Variants in SLC9A7 observed in about 807,000 individuals in gnomAD.
SLC9A7 encodes the protein solute carrier family 9 member A7.
SLC9A7 carries 19 observed loss-of-function variants against 52.6 expected under a neutral mutation model. The ratio of observed to expected loss-of-function variants is 0.36; its 90% CI spans 0.25 to 0.53. The LOEUF (loss-of-function observed/expected upper bound fraction) is 0.53, where lower values mean the gene tolerates loss of function less well. Among genes scored for constraint, SLC9A7 ranks in the 20% least tolerant of loss-of-function variants. SLC9A7 has a pLI of 0.91. For missense variants in SLC9A7, 455 were observed against 597.9 expected (o/e 0.76, Z 2.49); for synonymous variants, 226 against 252.1 (o/e 0.90, Z 0.98).
chrX:46,731,908 A>T (rs1427481675), intron 1 of SLC9A7, among the ~76,000 whole-genome samples: 1 of 112,256 alleles, frequency 8.9e-6, no homozygotes, highest in Non-Finnish European at 1.9e-5. Flanking sequence ...ATCATTACTT[A>T]TAAGAGAAAT....
intron 11 of SLC9A7, chrX:46,646,776 G>A: frequency 3.1e-6 from 1 of 325,511 alleles, no homozygotes; most frequent in African/African-American, 2.6e-5. Context: ...ACAATGCCGG[G>A]GAAGCTGTTG....
chrX:46,748,850 A>G (rs1922026488), intron 1 of SLC9A7, among the ~76,000 whole-genome samples: 1 of 110,345 alleles, frequency 9.1e-6, no homozygotes, highest in African/African-American at 3.3e-5. Flanking sequence ...GGGGCAATAA[A>G]AAATCTTTGG....
At chrX:46,738,103 GAAA>G (rs1569525304) in intron 1 of SLC9A7, among the ~76,000 whole-genome samples, 6 of 46,587 alleles carry the variant, frequency 1.3e-4, no homozygotes, top group African/African-American at 2.4e-4. Context: ...AAGAAAGAAA[GAAA>G]GAGAAAAGAA....
chrX:46,759,015 G>T lies in SLC9A7; in HGVS notation c.15C>A (p.Asp5Glu). The T allele has an allele frequency of 1.0e-6, 1 of 963,021 alleles. No individual in the cohort carries two copies. Among genetic ancestry groups the T allele is most frequent in the South Asian group, 4.2e-5 (1 of 23,624 alleles). 79.4% of individuals were successfully genotyped at this position (963,021 alleles called of 1,213,427 possible). A position where few individuals can be genotyped will look rare whatever the true frequency, so the allele number is the denominator to read the frequency against. Residue 5 changes from aspartate to glutamate, a missense_variant, in exon 1 of 17, where the codon GAC (aspartate) becomes GAA (glutamate). Coordinates refer to ENST00000616978, the MANE Select transcript of SLC9A7 (RefSeq NM_001257291.2). MEPG[D>E]AARPGSGRAT... is the part of the protein sequence containing the mutation. ...CCCGACCCGAGCCAGGGCGCGCCGC[G>T]TCACCAGGCTCCATGGTCCCGGGGC...
intron 1 of SLC9A7, among the ~76,000 whole-genome samples, chrX:46,682,960 A>ATTTTTTTTTTTTTTTTTTTTTTTT (rs1169630244): frequency 2.6e-4 from 17 of 64,902 alleles, no homozygotes; most frequent in African/African-American, 5.6e-4. Context: ...CACCCGGCTA[A>ATTTTTTTTTTTTTTTTTTTTTTTT]TTTTTTTTTT....
chrX:46,674,408 T>C (rs1364064711), intron 3 of SLC9A7, among the ~76,000 whole-genome samples: 1 of 112,470 alleles, frequency 8.9e-6, no homozygotes, highest in Admixed American at 9.4e-5. Flanking sequence ...GTGTATTATG[T>C]CTAGTACTTA....
At chrX:46,653,796 T>G in intron 7 of SLC9A7, 82 bp from the exon 8 acceptor site, 1 of 647,089 alleles carries the variant, frequency 1.5e-6, no homozygotes, top group Non-Finnish European at 2.4e-6. Flanking sequence ...CCAGGACCCC[T>G]CCCCAAAGGG....
chrX:46,750,858 T>A (rs1250775228), intron 1 of SLC9A7, among the ~76,000 whole-genome samples: 1 of 112,576 alleles, frequency 8.9e-6, no homozygotes, highest in Admixed American at 9.4e-5. Flanking sequence ...GCAACCAAGA[T>A]GTCCTTCAGT....
At chrX:46,725,325 G>C (rs1944926015) in intron 1 of SLC9A7, 2 of 1,154,712 alleles carry the variant, frequency 1.7e-6, no homozygotes, top group South Asian at 1.8e-5. Context: ...ATCCAACTTT[G>C]CTTCTAGGTC....
chrX:46,614,005 C>T (rs1056668680), intron 15 of SLC9A7, among the ~76,000 whole-genome samples: 4 of 111,779 alleles, frequency 3.6e-5, no homozygotes, highest in African/African-American at 1.3e-4. Context: ...TTCACTCTAC[C>T]CACAGCTTCT....
chrX:46,722,066 T>C (rs1202528162), intron 1 of SLC9A7, among the ~76,000 whole-genome samples: 1 of 111,330 alleles, frequency 9.0e-6, no homozygotes, highest in African/African-American at 3.3e-5. Context: ...AAAACACTGT[T>C]TCTCTCTGGT....
intron 1 of SLC9A7, among the ~76,000 whole-genome samples, chrX:46,745,740 G>A (rs916432352): frequency 6.4e-5 from 7 of 109,197 alleles, no homozygotes; most frequent in African/African-American, 2.0e-4. Context: ...ATCTACTTGG[G>A]AAACTGAGGC....
intron 5 of SLC9A7, among the ~76,000 whole-genome samples, chrX:46,667,720 G>T (rs1035319268): frequency 2.2e-4 from 25 of 111,810 alleles, no homozygotes; most frequent in African/African-American, 7.8e-4. Flanking sequence ...AGAGGGCATT[G>T]GAGACATTGA....
chrX:46,745,608 G>A (rs1167390540), intron 1 of SLC9A7, among the ~76,000 whole-genome samples: 4 of 110,119 alleles, frequency 3.6e-5, no homozygotes, highest in Non-Finnish European at 5.7e-5. Context: ...TTGGTAGGCT[G>A]AGGCAGGAGG....
intron 5 of SLC9A7, among the ~76,000 whole-genome samples, chrX:46,663,162 C>CATTTTA (rs1943854096): frequency 9.0e-6 from 1 of 110,724 alleles, no homozygotes; most frequent in Non-Finnish European, 1.9e-5. Context: ...GGTGAAACCC[C>CATTTTA]GTCTCTACTA....
At chrX:46,645,395 C>T (rs762743365) in intron 11 of SLC9A7, among the ~76,000 whole-genome samples, 11 of 111,905 alleles carry the variant, frequency 9.8e-5, no homozygotes, top group Non-Finnish European at 1.7e-4. Context: ...GAGGTCTCCA[C>T]TCTACCTACA....
At chrX:46,744,258 A>C (rs886456240) in intron 1 of SLC9A7, among the ~76,000 whole-genome samples, 1 of 112,423 alleles carries the variant, frequency 8.9e-6, no homozygotes, top group Non-Finnish European at 1.9e-5. Context: ...TTTGGCCAGA[A>C]CTTGATCACA....
At chrX:46,676,947 C>A (rs916534247) in intron 3 of SLC9A7, among the ~76,000 whole-genome samples, 1 of 111,782 alleles carries the variant, frequency 8.9e-6, no homozygotes, top group Non-Finnish European at 1.9e-5. Flanking sequence ...TCATATGCAT[C>A]ATTAATCATT....
At chrX:46,676,500 T>C (rs1944121906) in intron 3 of SLC9A7, among the ~76,000 whole-genome samples, 2 of 112,194 alleles carry the variant, frequency 1.8e-5, no homozygotes, top group Admixed American at 9.4e-5. Flanking sequence ...TGTTTTTCTT[T>C]TGAGAAAATG....
Sources: gnomAD v4.1 joint callset for allele counts (sites outside exome capture counted in the v4.1 genomes callset) on GRCh38, gnomAD v4.1.1 for gene constraint, MANE v1.5 for transcripts, NCBI Gene and HGNC (gene_info 2026-07-23, HGNC 2026-07-21) for gene names.